Variants in XAGE5 observed in about 807,000 individuals in gnomAD.
The protein encoded by XAGE5 is G antigen, family D, 5.
XAGE5 carries 13 observed loss-of-function variants against 13.1 expected under a neutral mutation model. The ratio of observed to expected loss-of-function variants is 0.99; its 90% CI spans 0.64 to 1.57. XAGE5 has a LOEUF of 1.57. Among genes scored for constraint, XAGE5 ranks in the 40% most tolerant of loss-of-function variants. The pLI is 0.00. For synonymous variants in XAGE5, 17 were observed against 25.0 expected (o/e 0.68, Z 0.96); for missense variants, 86 against 77.6 (o/e 1.11, Z -0.41).
intron 2 of XAGE5, chrX:52,812,065 G>A (rs1450094631): frequency 8.8e-6 from 1 of 113,558 alleles, no homozygotes; most frequent in African/African-American, 3.3e-5. Context: ...TAAGCCCTAA[G>A]GATTGCTCAG....
At chrX:52,813,775 G>A in intron 4 of XAGE5, among the ~76,000 whole-genome samples, 1 of 111,682 alleles carries the variant, frequency 9.0e-6, no homozygotes, top group Non-Finnish European at 1.9e-5. Flanking sequence ...GGCCGAGGTG[G>A]GCGGATCACT....
At chrX:52,812,659 T>C (rs1488616128) in intron 3 of XAGE5, 21 bp downstream of exon 3, 2 of 1,204,866 alleles carry the variant, frequency 1.7e-6, no homozygotes, top group African/African-American at 1.7e-5. Flanking sequence ...TCACATTCGA[T>C]TTTTTTCTAC....
At chrX:52,816,484 A>G (rs782636510) in intron 5 of XAGE5, among the ~76,000 whole-genome samples, 2 of 112,119 alleles carry the variant, frequency 1.8e-5, no homozygotes, top group African/African-American at 3.2e-5. Context: ...GTGTAATTAG[A>G]TTGAAGACAC....
chrX:52,815,051 C>A (rs782178613), intron 4 of XAGE5, 41 bp from the exon 5 acceptor site: 2 of 1,205,198 alleles, frequency 1.7e-6, no homozygotes, highest in Non-Finnish European at 2.2e-6. Context: ...ATTTATCATT[C>A]TGGTTTGGCT....
At chrX:52,815,064 T>C in intron 4 of XAGE5, 28 bp from the exon 5 acceptor site, 1 of 1,209,832 alleles carries the variant, frequency 8.3e-7, no homozygotes, top group Non-Finnish European at 1.1e-6. Flanking sequence ...GTTTGGCTGC[T>C]CCAGTCCATA....
intron 2 of XAGE5, 51 bp from the exon 3 acceptor site, chrX:52,812,508 A>C: frequency 1.8e-6 from 2 of 1,117,778 alleles, no homozygotes; most frequent in Non-Finnish European, 2.5e-6. Context: ...TTCTGACCTC[A>C]GGTGATCCAT....
At chrX:52,815,026 T>C (rs1926877747) in intron 4 of XAGE5, 66 bp from the exon 5 acceptor site, 3 of 1,167,894 alleles carry the variant, frequency 2.6e-6, no homozygotes, top group Non-Finnish European at 3.5e-6. Context: ...AGGAAAAGAA[T>C]AGGATCATCT....
chrX:52,812,367 G>A (rs1602000795), intron 2 of XAGE5, 192 bp from the exon 3 acceptor site: 3 of 352,096 alleles, frequency 8.5e-6, no homozygotes, highest in African/African-American at 2.6e-5. Flanking sequence ...TTCGCCCCCC[G>A]GTTCAAGTGG....
At chrX:52,812,111 C>T (rs190759124) in intron 2 of XAGE5, 1,168 of 115,427 alleles carry the variant, frequency 0.01, 12 homozygotes, top group African/African-American at 0.036. Flanking sequence ...TACAAGTATT[C>T]GATTCAGAAG....
intron 1 of XAGE5, among the ~76,000 whole-genome samples, 68 bp downstream of exon 1, chrX:52,811,480 T>G (rs970016545): frequency 1.1e-4 from 12 of 110,820 alleles, no homozygotes; most frequent in African/African-American, 3.9e-4. Context: ...TGACTCCGAG[T>G]GAGAAGGGCC....
At chrX:52,816,019 C>G (rs1926900288) in intron 5 of XAGE5, among the ~76,000 whole-genome samples, 1 of 112,095 alleles carries the variant, frequency 8.9e-6, no homozygotes, top group Non-Finnish European at 1.9e-5. Context: ...TCTTGGTTCA[C>G]TGTGACCTCC....
rs200700173 is a variant in XAGE5 at position 52,818,251 on chromosome X, G to A, written c.*38G>A. The A allele has an allele frequency of 5.2e-5, 62 of 1,202,013 alleles. No individual in the cohort carries two copies. The East Asian group carries it at 1.1e-3, about 21-fold the overall frequency. ...AAAAGAATGCAAACTGGATTTATCC[G>A]AGATATTTGACTTTTAAAAATCTCA... On this transcript the variant is annotated 3_prime_UTR_variant, in exon 6 of 6. Transcript: ENST00000375501.
Position 52,813,180 on chromosome X carries a change from C to G in XAGE5, c.113C>G (p.Thr38Ser). 8.3e-7 allele frequency: 1 copy of G among 1,211,103 alleles called. No homozygotes were observed. The highest frequency in any genetic ancestry group is 1.8e-5 in the South Asian group (1 of 56,884). Residue 38 changes from threonine (T) to serine (S), a missense_variant, in exon 4 of 6, where the codon ACT becomes AGT. By Grantham distance (58) the Thr-to-Ser change is moderately conservative. Transcript: ENST00000375501. ...GAGCCTCAACAAGAAGAACCACCAA[C>G]TGAAAGTCAGGATCATACACCTGGT... Reference protein sequence around the residue: ...VPEPQQEEPPTESQDHTPGQK... With the variant: ...VPEPQQEEPPSESQDHTPGQK...
intron 5 of XAGE5, among the ~76,000 whole-genome samples, chrX:52,817,321 G>A (rs1460926451): frequency 8.9e-6 from 1 of 111,841 alleles, no homozygotes; most frequent in African/African-American, 3.2e-5. Context: ...CAAATATTTA[G>A]CTTTTCCAGA....
At chrX:52,813,097 T>C (rs782338600) in intron 3 of XAGE5, 43 bp from the exon 4 acceptor site, 83 of 1,137,814 alleles carry the variant, frequency 7.3e-5, no homozygotes, top group Non-Finnish European at 9.4e-5. Context: ...GAAAAATTTT[T>C]TATCTCCACA....
intron 2 of XAGE5, chrX:52,812,054 A>G (rs1198514542): frequency 8.9e-6 from 1 of 112,853 alleles, no homozygotes; most frequent in Non-Finnish European, 1.9e-5. Context: ...GTCTCTTGCC[A>G]TAAGCCCTAA....
intron 5 of XAGE5, among the ~76,000 whole-genome samples, chrX:52,817,250 AGACT>A (rs1926922550): frequency 8.9e-6 from 1 of 112,213 alleles, no homozygotes; most frequent in African/African-American, 3.2e-5. Context: ...AACGCCACAA[AGACT>A]GTGCATGAAC....
rs148348438 is a variant in XAGE5 at position 52,812,653 on chromosome X, A to T, written c.72+15A>T. ...GGCCTATGCTTGTGAGTGACTTCAC[A>T]TTCGATTTTTTTCTACTAGCAGAAA... On this transcript the variant is annotated intron_variant, in intron 3 of 5. Transcript: ENST00000375501. The T allele has an allele frequency of 1.1e-3, 1,278 of 1,207,373 alleles. 8 individuals carry two copies. The African/African-American group carries it at 0.02, about 19-fold the overall frequency.
chrX:52,816,100 C>T (rs191035576), intron 5 of XAGE5, among the ~76,000 whole-genome samples: 1 of 111,406 alleles, frequency 9.0e-6, no homozygotes, highest in East Asian at 2.8e-4. Flanking sequence ...CGTGCCACCA[C>T]GCCCAACTAA....
Sources: allele counts gnomAD v4.1 joint callset (sites outside exome capture counted in the v4.1 genomes callset), GRCh38; gene constraint gnomAD v4.1.1; transcripts MANE v1.5; gene names NCBI Gene and HGNC (gene_info 2026-07-23, HGNC 2026-07-21).